Variants in SIPA1L1 observed in about 807,000 individuals in gnomAD.
SIPA1L1 encodes signal-induced proliferation-associated 1-like protein 1.
Under a neutral mutation model 162.7 loss-of-function variants are expected in SIPA1L1, and 26 were observed. That is an observed-to-expected ratio of 0.16 (90% confidence interval 0.12 to 0.22). The LOEUF is 0.22. Ranked by LOEUF, SIPA1L1 falls within the 10% of genes least tolerant of loss-of-function variation. The pLI, the probability that SIPA1L1 is intolerant of heterozygous loss-of-function variation, is 1.00. For missense variants in SIPA1L1, 1,874 were observed against 2,241.0 expected, an observed-to-expected ratio of 0.84 and a Z score of 3.31; for synonymous variants, 829 against 837.4, an observed-to-expected ratio of 0.99 and a Z score of 0.17.
chr14:71,598,371 A>G (rs1047052847), intron 5 of SIPA1L1: 6 of 290,274 alleles, frequency 2.1e-5, no homozygotes, highest in African/African-American at 4.6e-5. Context: ...AGGAGGAAAG[A>G]TAGTAACTTT....
At chr14:71,705,468 T>C in intron 16 of SIPA1L1, 128 bp downstream of exon 16, 3 of 749,398 alleles carry the variant, frequency 4.0e-6, no homozygotes, top group Non-Finnish European at 7.0e-6. Context: ...AGTGGTCGTT[T>C]GCTGCCATGG....
intron 2 of SIPA1L1, among the ~76,000 whole-genome samples, chr14:71,418,653 G>A (rs966668545): frequency 3.3e-5 from 5 of 152,186 alleles, no homozygotes; most frequent in African/African-American, 1.2e-4. Context: ...AAGGGCTTAG[G>A]AAACAGTGAT....
chr14:71,414,837 C>G (rs1248737369), intron 2 of SIPA1L1, among the ~76,000 whole-genome samples: 1 of 152,180 alleles, frequency 6.6e-6, no homozygotes, highest in Non-Finnish European at 1.5e-5. Context: ...TACTATTGCT[C>G]TTCGAGTGAC....
chr14:71,542,945 A>G (rs2054612098), intron 4 of SIPA1L1, among the ~76,000 whole-genome samples: 3 of 150,074 alleles, frequency 2.0e-5, no homozygotes, highest in South Asian at 4.2e-4. Context: ...ATGAAGTCCT[A>G]CTCTTTTCTG....
chr14:71,502,236 A>T (rs1449268649), intron 2 of SIPA1L1, among the ~76,000 whole-genome samples: 5 of 89,710 alleles, frequency 5.6e-5, no homozygotes, highest in Non-Finnish European at 9.4e-5. Flanking sequence ...AGCCTTTGAG[A>T]TACTTGAAAA....
chr14:71,542,367 CCTGCTGCTG>C (rs142934736), intron 4 of SIPA1L1, among the ~76,000 whole-genome samples: 8 of 137,352 alleles, frequency 5.8e-5, no homozygotes, highest in Non-Finnish European at 9.6e-5. Context: ...TCTTCTTCTT[CCTGCTGCTG>C]CTGCTGCTGC....
chr14:71,735,037 G>A (rs1226599368), intron 21 of SIPA1L1, among the ~76,000 whole-genome samples: 3 of 152,212 alleles, frequency 2.0e-5, no homozygotes, highest in Non-Finnish European at 4.4e-5. Context: ...GATGAGCAGG[G>A]AAGAGGGGGG....
intron 8 of SIPA1L1, among the ~76,000 whole-genome samples, chr14:71,656,496 G>T (rs1032295014): frequency 6.6e-5 from 10 of 152,236 alleles, no homozygotes; most frequent in Middle Eastern, 3.4e-3. Context: ...AGTTCTTCAC[G>T]TTCAAGACCT....
intron 2 of SIPA1L1, among the ~76,000 whole-genome samples, chr14:71,322,616 C>A (rs994826059): frequency 2.0e-5 from 3 of 152,180 alleles, no homozygotes; most frequent in African/African-American, 7.2e-5. Context: ...ATCAATTATG[C>A]TAAAGCATTA....
chr14:71,734,589 T>G (rs1045658962), intron 21 of SIPA1L1, among the ~76,000 whole-genome samples: 1 of 152,174 alleles, frequency 6.6e-6, no homozygotes, highest in African/African-American at 2.4e-5. Flanking sequence ...GTTTTAATTT[T>G]GGGGAGAAAT....
intron 11 of SIPA1L1, 23 bp from the exon 12 acceptor site, chr14:71,672,325 G>A: frequency 1.2e-6 from 2 of 1,612,304 alleles, no homozygotes; most frequent in Non-Finnish European, 1.7e-6. Flanking sequence ...TTAAACCACA[G>A]TATCTTTTAT....
At chr14:71,346,082 A>G (rs1302943674) in intron 2 of SIPA1L1, among the ~76,000 whole-genome samples, 1 of 151,640 alleles carries the variant, frequency 6.6e-6, no homozygotes, top group Non-Finnish European at 1.5e-5. Context: ...TAATTTTTGT[A>G]TTCTTAGTAG....
chr14:71,359,814 A>G (rs1473910506), intron 2 of SIPA1L1, among the ~76,000 whole-genome samples: 1 of 152,246 alleles, frequency 6.6e-6, no homozygotes, highest in Admixed American at 6.5e-5. Flanking sequence ...TCATGAGATT[A>G]TGCAGATATT....
chr14:71,570,902 C>T (rs1036143012), intron 4 of SIPA1L1, among the ~76,000 whole-genome samples: 1 of 152,112 alleles, frequency 6.6e-6, no homozygotes, highest in Non-Finnish European at 1.5e-5. Flanking sequence ...TTCTCCCTGT[C>T]TCAGCCACCT....
chr14:71,503,974 T>C (rs987935571), intron 2 of SIPA1L1: 1 of 152,096 alleles, frequency 6.6e-6, no homozygotes, highest in Non-Finnish European at 1.5e-5. Flanking sequence ...TGGCTACTTT[T>C]CTGTATTTTT....
At chr14:71,334,751 A>G (rs1353481107) in intron 2 of SIPA1L1, among the ~76,000 whole-genome samples, 1 of 152,200 alleles carries the variant, frequency 6.6e-6, no homozygotes, top group African/African-American at 2.4e-5. Flanking sequence ...TTCTTGATTC[A>G]GAAAACTTAT....
At chr14:71,571,621 C>T (rs2032039451) in intron 4 of SIPA1L1, among the ~76,000 whole-genome samples, 1 of 151,350 alleles carries the variant, frequency 6.6e-6, no homozygotes, top group Non-Finnish European at 1.5e-5. Flanking sequence ...ATACCTGAAA[C>T]TGGATGGTTT....
intron 17 of SIPA1L1, among the ~76,000 whole-genome samples, chr14:71,716,915 CT>C (rs2083311458): frequency 6.6e-6 from 1 of 152,182 alleles, no homozygotes; most frequent in African/African-American, 2.4e-5. Context: ...TACCTCTCTT[CT>C]TTTTGAAACA....
intron 3 of SIPA1L1, among the ~76,000 whole-genome samples, chr14:71,517,430 C>G (rs572025605): frequency 6.6e-6 from 1 of 152,268 alleles, no homozygotes; most frequent in East Asian, 1.9e-4. Flanking sequence ...GCAAACAAAA[C>G]CACATTCTGT....
Sources: allele counts gnomAD v4.1 joint callset (sites outside exome capture counted in the v4.1 genomes callset), GRCh38; gene constraint gnomAD v4.1.1; transcripts MANE v1.5; gene names NCBI Gene and HGNC (gene_info 2026-07-23, HGNC 2026-07-21).